The following RGS22 variants were observed in gnomAD, a reference collection of about 807,000 sequenced individuals.
RGS22 encodes the protein regulator of G-protein signaling 22.
In RGS22, 148 loss-of-function variants were observed where a neutral mutation model predicts 172.9. The observed-to-expected ratio is 0.86, with a 90% CI of 0.75 to 0.98. The LOEUF (loss-of-function observed/expected upper bound fraction) is 0.98, where lower values mean the gene tolerates loss of function less well. Ranked by LOEUF, RGS22 falls within the 50% of genes least tolerant of loss-of-function variation. The pLI, the probability that RGS22 is intolerant of heterozygous loss-of-function variation, is 0.00. For missense variants in RGS22, 1,347 were observed against 1,440.8 expected, an observed-to-expected ratio of 0.93 and a Z score of 1.05; for synonymous variants, 458 against 480.2, an observed-to-expected ratio of 0.95 and a Z score of 0.60.
At chr8:100,049,818 C>T (rs548333069) in intron 10 of RGS22, among the ~76,000 whole-genome samples, 9 of 152,146 alleles carry the variant, frequency 5.9e-5, no homozygotes, top group Non-Finnish European at 8.8e-5. Context: ...GAGGCCAAGG[C>T]GGGCAGATCA....
chr8:100,017,508 T>C (rs1474949729), intron 14 of RGS22, among the ~76,000 whole-genome samples: 4 of 152,326 alleles, frequency 2.6e-5, no homozygotes, highest in African/African-American at 7.2e-5. Context: ...AATAAAATTA[T>C]AGTACATTTA....
rs540194918 is a variant in RGS22 at position 99,973,306 on chromosome 8, C to G, written c.3519+4611G>C. 2.5e-3 allele frequency among the ~76,000 whole-genome samples: 388 copies of G among 152,234 alleles called. 2 individuals are homozygous for G. Among genetic ancestry groups the G allele is most frequent in the Middle Eastern group, 0.017 (5 of 294 alleles). On this transcript the variant is annotated intron_variant, in intron 23 of 27. Transcript: ENST00000360863. ...TAGACTGGATAAAGAAAATGTGGTG[C>G]ATATATACCATGGAATACTACACAG...
rs12675762 is a variant in RGS22 at position 99,968,172 on chromosome 8, A to G, written c.3520-2742T>C. ...TGTTGAAGTAAAACTAACAAACAGAAAGCAATAACATCACATCAACAAAAA... is the reference window on the plus strand; with the variant it reads ...TGTTGAAGTAAAACTAACAAACAGAGAGCAATAACATCACATCAACAAAAA... On this transcript the variant is annotated intron_variant, in intron 23 of 27. Coordinates refer to ENST00000360863, the MANE Select transcript of RGS22 (RefSeq NM_015668.5). 5.1e-4 allele frequency among the ~76,000 whole-genome samples: 78 copies of G among 152,324 alleles called. 2 individuals are homozygous for G. The East Asian group carries it at 7.5e-3, about 15-fold the overall frequency.
chr8:99,962,741 C>A lies in RGS22; in HGVS notation c.3736G>T (p.Ala1246Ser), dbSNP rs768496935. ...AGLQPLTNFK[A>S]SSSTMSLKKN... is the part of the protein sequence containing the mutation. ...TTCAAAGACATAGTTGAAGAGCTAG[C>A]CTTAAAATTTGTGAGAGGTTGCAAG... is the stretch of plus-strand genomic sequence containing the variant. Residue 1246 changes from alanine (A) to serine (S), a missense_variant, in exon 26 of 28, where the codon GCT (alanine) becomes TCT (serine). By Grantham distance (99) the Ala-to-Ser change is moderately conservative. Coordinates refer to ENST00000360863, the MANE Select transcript of RGS22 (RefSeq NM_015668.5). 2 of 1,611,624 alleles carry A rather than the reference C, an allele frequency of 1.2e-6. No individual in the cohort carries two copies. Among genetic ancestry groups the A allele is most frequent in the Admixed American group, 1.7e-5 (1 of 59,420 alleles).
At chr8:100,068,934 CAAAA>C (rs11313965) in intron 6 of RGS22, among the ~76,000 whole-genome samples, 3 of 120,640 alleles carry the variant, frequency 2.5e-5, no homozygotes. Flanking sequence ...GACCCTGTCT[CAAAA>C]AAAAAAAAAA....
At chr8:100,047,437 C>A in intron 11 of RGS22, 26 bp downstream of exon 11, 2 of 1,570,000 alleles carry the variant, frequency 1.3e-6, no homozygotes, top group Non-Finnish European at 1.7e-6. Flanking sequence ...CAGAAAAGCA[C>A]TTAACACACA....
At chr8:99,974,608 G>A (rs1588883056) in intron 23 of RGS22, among the ~76,000 whole-genome samples, 1 of 151,890 alleles carries the variant, frequency 6.6e-6, no homozygotes, top group Middle Eastern at 3.4e-3. Flanking sequence ...GACCAGCCTG[G>A]CCAACATGGT....
chr8:100,047,304 T>C (rs1195379335), intron 11 of RGS22, among the ~76,000 whole-genome samples, 159 bp downstream of exon 11: 1 of 152,170 alleles, frequency 6.6e-6, no homozygotes, highest in South Asian at 2.1e-4. Context: ...TAATTTAGAG[T>C]ATTCATGCAA....
intron 26 of RGS22, 100 bp from the exon 27 acceptor site, chr8:99,962,543 A>T: frequency 6.9e-7 from 1 of 1,451,768 alleles, no homozygotes; most frequent in East Asian, 2.3e-5. Flanking sequence ...CACACGGAGA[A>T]ATTCTCCTAA....
intron 23 of RGS22, among the ~76,000 whole-genome samples, chr8:99,973,493 A>T (rs1035761123): frequency 5.3e-5 from 8 of 152,162 alleles, no homozygotes; most frequent in African/African-American, 1.9e-4. Context: ...GGAGGGGAAC[A>T]TCACACACCA....
intron 10 of RGS22, among the ~76,000 whole-genome samples, chr8:100,052,537 G>A (rs905382329): frequency 2.0e-5 from 3 of 151,836 alleles, no homozygotes; most frequent in Non-Finnish European, 2.9e-5. Flanking sequence ...TCCTGACCTC[G>A]TGATCCGCCT....
intron 14 of RGS22, among the ~76,000 whole-genome samples, chr8:100,011,636 A>C (rs988182507): frequency 2.6e-5 from 4 of 152,206 alleles, no homozygotes; most frequent in Admixed American, 2.6e-4. Context: ...TAAACATCCT[A>C]AGCTCTCAAA....
At chr8:99,977,270 A>ATTTCTTT (rs1428079850) in intron 23 of RGS22, among the ~76,000 whole-genome samples, 3 of 120,390 alleles carry the variant, frequency 2.5e-5, no homozygotes, top group Non-Finnish European at 5.1e-5. Context: ...CGCCCGGTTA[A>ATTTCTTT]TTTTTTTTTT....
rs375499329 is a variant in RGS22 at position 100,063,919 on chromosome 8, T to C, written c.849A>G (p.Gln283=). ...TCAGAAGAGCTTGAGAAGGAGTGTC[T>C]TGTAGAGATACAGACACCTCTTCTT... ...GEEEEVSVSL[Q]DTPSQALLRV... Residue 283 remains glutamine, a synonymous_variant, in exon 8 of 28, where the codon CAA becomes CAG. Transcript: ENST00000360863. The C allele has an allele frequency of 1.9e-6, 3 of 1,604,094 alleles. No individual in the cohort carries two copies. Among genetic ancestry groups the C allele is most frequent in the Non-Finnish European group, 2.6e-6 (3 of 1,175,466 alleles).
chr8:100,031,086 G>A (rs1198360673), intron 14 of RGS22, among the ~76,000 whole-genome samples: 3 of 151,916 alleles, frequency 2.0e-5, no homozygotes, highest in African/African-American at 7.2e-5. Context: ...AACTGTAAGG[G>A]TAAAAAGAGA....
intron 23 of RGS22, among the ~76,000 whole-genome samples, chr8:99,967,263 C>T (rs1810840444): frequency 6.6e-6 from 1 of 152,118 alleles, no homozygotes; most frequent in South Asian, 2.1e-4. Flanking sequence ...CCTATGCCAC[C>T]AGTGCCCTGG....
intron 27 of RGS22, among the ~76,000 whole-genome samples, chr8:99,962,065 C>T (rs1810259180): frequency 6.6e-6 from 1 of 150,690 alleles, no homozygotes; most frequent in Admixed American, 6.6e-5. Flanking sequence ...ATTTTTAGTT[C>T]TTTTTTTTTT....
At chr8:99,977,270 A>ATTTTTTTTTTTTTT (rs895569407) in intron 23 of RGS22, among the ~76,000 whole-genome samples, 3 of 120,390 alleles carry the variant, frequency 2.5e-5, no homozygotes, top group African/African-American at 6.3e-5. Context: ...CGCCCGGTTA[A>ATTTTTTTTTTTTTT]TTTTTTTTTT....
intron 3 of RGS22, among the ~76,000 whole-genome samples, chr8:100,087,007 G>A (rs575249409): frequency 1.3e-5 from 2 of 152,086 alleles, no homozygotes; most frequent in Non-Finnish European, 2.9e-5. Context: ...TTGATACCCA[G>A]GAGAAAGAGC....
Sources: allele counts gnomAD v4.1 joint callset (sites outside exome capture counted in the v4.1 genomes callset), GRCh38; gene constraint gnomAD v4.1.1; transcripts MANE v1.5; gene names NCBI Gene and HGNC (gene_info 2026-07-23, HGNC 2026-07-21).